COA1: variants seen among roughly 807,000 people sequenced by gnomAD.
COA1 encodes the protein cytochrome c oxidase assembly factor 1 homolog.
Under a neutral mutation model 16.0 loss-of-function variants are expected in COA1, and 13 were observed. That is an observed-to-expected ratio of 0.81 (90% CI 0.53 to 1.29). The LOEUF is 1.29. COA1 is among the 50% of genes most tolerant of loss of function. The pLI is 0.00. For synonymous variants in COA1, 65 were observed against 65.7 expected (o/e 0.99, Z 0.05); for missense variants, 179 against 177.0 (o/e 1.01, Z -0.06).
intron 6 of COA1, chr7:43,619,818 T>C (rs2083693370): frequency 2.1e-6 from 3 of 1,429,528 alleles, no homozygotes; most frequent in South Asian, 1.4e-5. Context: ...GAGCCAGCTA[T>C]CTACTATGTT....
intron 1 of COA1, among the ~76,000 whole-genome samples, chr7:43,657,553 A>T (rs566156086): frequency 1.3e-5 from 2 of 152,200 alleles, no homozygotes; most frequent in African/African-American, 4.8e-5. Flanking sequence ...ATCCAAAACC[A>T]GGCGCCGTGC....
At chr7:43,656,798 C>A (rs2091777641) in intron 1 of COA1, among the ~76,000 whole-genome samples, 1 of 151,476 alleles carries the variant, frequency 6.6e-6, no homozygotes, top group Non-Finnish European at 1.5e-5. Flanking sequence ...AAGCCAAAAA[C>A]TACCACCTAC....
At chr7:43,715,394 C>T (rs1013617598) in intron 1 of COA1, among the ~76,000 whole-genome samples, 1 of 151,514 alleles carries the variant, frequency 6.6e-6, no homozygotes, top group African/African-American at 2.4e-5. Flanking sequence ...AGGAGAATGG[C>T]GTGAACCCGG....
At chr7:43,669,612 T>C (rs773646059) in intron 1 of COA1, among the ~76,000 whole-genome samples, 14 of 152,128 alleles carry the variant, frequency 9.2e-5, no homozygotes, top group Non-Finnish European at 1.6e-4. Context: ...CCACCTCCTC[T>C]AGCCTCCTCA....
chr7:43,622,705 G>GTTTTTTTTTTTTT (rs33923943), intron 6 of COA1: 1 of 146,884 alleles, frequency 6.8e-6, no homozygotes, highest in Non-Finnish European at 1.5e-5. Flanking sequence ...TTTTGTTTTT[G>GTTTTTTTTTTTTT]TTTTTTTTTT....
chr7:43,614,914 A>C (rs1289058714), intron 6 of COA1, among the ~76,000 whole-genome samples: 2 of 152,268 alleles, frequency 1.3e-5, no homozygotes, highest in East Asian at 3.8e-4. Flanking sequence ...GTGTAAATAC[A>C]TAAAAGGGAA....
At chr7:43,707,451 G>A (rs1404271867) in intron 1 of COA1, among the ~76,000 whole-genome samples, 1 of 152,040 alleles carries the variant, frequency 6.6e-6, no homozygotes. Flanking sequence ...AAGCACCCAT[G>A]TAACCACCAG....
chr7:43,645,640 G>A, intron 3 of COA1: 1 of 411,944 alleles, frequency 2.4e-6, no homozygotes, highest in East Asian at 4.7e-5. Flanking sequence ...ACCTCATGCA[G>A]ACCCTTTCTG....
intron 4 of COA1, among the ~76,000 whole-genome samples, chr7:43,642,649 G>A (rs1329844476): frequency 6.6e-6 from 1 of 152,180 alleles, no homozygotes; most frequent in Non-Finnish European, 1.5e-5. Context: ...ACTCTGAGGG[G>A]CCAATGTCTG....
chr7:43,695,416 G>A (rs1027208184), intron 1 of COA1, among the ~76,000 whole-genome samples: 2 of 151,876 alleles, frequency 1.3e-5, no homozygotes, highest in African/African-American at 4.8e-5. Flanking sequence ...TCTCTGCCAG[G>A]AATCTTCTTC....
At chr7:43,682,336 T>C (rs2093806251) in intron 1 of COA1, among the ~76,000 whole-genome samples, 1 of 152,250 alleles carries the variant, frequency 6.6e-6, no homozygotes, top group Non-Finnish European at 1.5e-5. Flanking sequence ...ATTATGGAAC[T>C]ATACGCATAT....
At chr7:43,675,712 G>A (rs1317308731) in intron 1 of COA1, among the ~76,000 whole-genome samples, 1 of 151,992 alleles carries the variant, frequency 6.6e-6, no homozygotes, top group Non-Finnish European at 1.5e-5. Context: ...CTAAACACCT[G>A]AGGACCATTC....
chr7:43,658,615 G>C (rs1007840474), intron 1 of COA1: 2 of 152,112 alleles, frequency 1.3e-5, no homozygotes, highest in African/African-American at 4.8e-5. Flanking sequence ...CCTACCTCTC[G>C]CCAGTGTTCA....
chr7:43,721,745 T>C (rs937991836), intron 1 of COA1, among the ~76,000 whole-genome samples: 42 of 151,988 alleles, frequency 2.8e-4, no homozygotes, highest in African/African-American at 1.0e-3. Context: ...TGGGTTAAAA[T>C]TTATAATATA....
chr7:43,712,359 T>C (rs1225772970), intron 1 of COA1, among the ~76,000 whole-genome samples: 1 of 152,124 alleles, frequency 6.6e-6, no homozygotes, highest in Non-Finnish European at 1.5e-5. Flanking sequence ...GTAACCCACC[T>C]GCCTCGGCCC....
chr7:43,625,776 A>C (rs940732309), intron 6 of COA1: 6 of 146,866 alleles, frequency 4.1e-5, no homozygotes, highest in Admixed American at 2.0e-4. Context: ...AGAGAGAGAG[A>C]GTGTCTTCAT....
At chr7:43,724,631 CCAAAAGGTGG>C (rs911641993) in intron 1 of COA1, among the ~76,000 whole-genome samples, 2 of 151,746 alleles carry the variant, frequency 1.3e-5, no homozygotes, top group African/African-American at 4.8e-5. Context: ...TTCACAATAG[CCAAAAGGTGG>C]CAACAACCCA....
intron 6 of COA1, chr7:43,619,495 C>T: frequency 1.4e-6 from 2 of 1,390,376 alleles, no homozygotes; most frequent in Non-Finnish European, 9.8e-7. Flanking sequence ...CTGTTAAATT[C>T]CTCAGTCTCA....
downstream of COA1, among the ~76,000 whole-genome samples, chr7:43,634,579 T>C (rs573286674): frequency 6.6e-6 from 1 of 152,340 alleles, no homozygotes; most frequent in East Asian, 1.9e-4. Context: ...CAGGGATAGA[T>C]GTCCCAAGCT....
Sources: allele counts gnomAD v4.1 joint callset (sites outside exome capture counted in the v4.1 genomes callset), GRCh38; gene constraint gnomAD v4.1.1; transcripts MANE v1.5; gene names NCBI Gene and HGNC (gene_info 2026-07-23, HGNC 2026-07-21).